ZNF254: variants seen among roughly 807,000 people sequenced by gnomAD.
ZNF254 encodes the protein CTD-2017D11.1.
In ZNF254, 10 loss-of-function variants were observed where a neutral mutation model predicts 12.4. The observed-to-expected ratio is 0.80, with a 90% CI of 0.50 to 1.36. The LOEUF (loss-of-function observed/expected upper bound fraction) is 1.36. Among genes scored for constraint, ZNF254 ranks in the 40% most tolerant of loss-of-function variants. The probability of loss-of-function intolerance (pLI) is 0.00; values close to 1 mark genes in which losing one functional copy is unlikely to be tolerated. For missense variants in ZNF254, 996 were observed against 763.9 expected (o/e 1.30, Z -3.58); for synonymous variants, 305 against 253.4 (o/e 1.20, Z -1.93).
chr19:24,127,662 C>G lies in ZNF254; in HGVS notation c.1662C>G (p.Ala554=), dbSNP rs777802291. Residue 554 remains alanine, a synonymous_variant, in exon 4 of 4, where the codon GCC becomes GCG. Transcript: ENST00000357002. ...KPYKCEKCGK[A]FKQSSILTNH... is the part of the protein sequence containing the mutation. Reference sequence around the variant, plus strand: ...ACAAATGTGAAAAATGTGGCAAAGCCTTTAAGCAGTCTTCAATCCTTACTA... The same window carrying G: ...ACAAATGTGAAAAATGTGGCAAAGCGTTTAAGCAGTCTTCAATCCTTACTA... The G allele has an allele frequency of 1.7e-5, 28 of 1,611,388 alleles. No individual in the cohort carries two copies. In the South Asian group the frequency reaches 2.9e-4, roughly 16 times the overall value.
In ZNF254 at chr19:24,101,312, G is replaced by A. The variant is rs867502674; in HGVS notation, c.31-4628G>A. On this transcript the variant is annotated intron_variant, in intron 1 of 3. Coordinates refer to ENST00000357002, the MANE Select transcript of ZNF254 (RefSeq NM_203282.4). ...GCCTCTGCCTGGAATTTATAAAACA[G>A]GGTCCTACTTTAGATTGAGAATGTA... Among the ~76,000 whole-genome samples, 63 of 152,314 alleles carry A rather than the reference G, an allele frequency of 4.1e-4. 1 individual carries two copies. In the Middle Eastern group the frequency reaches 0.017, roughly 41 times the overall value.
intron 2 of ZNF254, chr19:24,065,866 C>T (rs1409472398): frequency 6.6e-6 from 1 of 152,302 alleles, no homozygotes; most frequent in African/African-American, 2.4e-5. Flanking sequence ...ATGGATGTAA[C>T]TTTTTTTCTG....
At chr19:24,115,023 C>G (rs529992613) in intron 3 of ZNF254, among the ~76,000 whole-genome samples, 858 of 152,090 alleles carry the variant, frequency 5.6e-3, no homozygotes, top group African/African-American at 0.019. Context: ...AGTCAGGAAA[C>G]AACAGGTGCT....
chr19:24,127,347 T>C lies in ZNF254; in HGVS notation c.1347T>C (p.Leu449=). 1 of 1,612,604 alleles carries C rather than the reference T, an allele frequency of 6.2e-7. No individual in the cohort carries two copies. The highest frequency in any genetic ancestry group is 8.5e-7 in the Non-Finnish European group (1 of 1,179,480). The change falls in exon 4 of 4, where the codon CTT becomes CTC. Residue 449 remains leucine, a synonymous_variant. Transcript: ENST00000357002. ...AAGCATTTATCTGGTCCTCAACCCTTACTAAACATAAGAGAATTCATACTA... is the reference window on the plus strand; with the variant it reads ...AAGCATTTATCTGGTCCTCAACCCTCACTAAACATAAGAGAATTCATACTA... ...CGKAFIWSST[L]TKHKRIHTRE...
In ZNF254 at chr19:24,129,766, T is replaced by C. The variant is rs1289891408; in HGVS notation, c.*1786T>C. 2.0e-5 allele frequency: 3 copies of C among 152,034 alleles called. No homozygotes were observed. The highest frequency in any genetic ancestry group is 4.4e-5 in the Non-Finnish European group (3 of 67,938). 9.4% of individuals were successfully genotyped at this position (152,034 alleles called of 1,614,324 possible). A position where few individuals can be genotyped will look rare whatever the true frequency, so the allele number is the denominator to read the frequency against. On this transcript the variant is annotated 3_prime_UTR_variant, in exon 4 of 4. Transcript: ENST00000357002. Reference sequence around the variant, plus strand: ...TACAATGTTATTGATTACAGGGTCATTTTTATGGTCATAATAAAAAATTTT... The same window carrying C: ...TACAATGTTATTGATTACAGGGTCACTTTTATGGTCATAATAAAAAATTTT...
At chr19:24,063,000 C>T (rs1023049076) in intron 2 of ZNF254, among the ~76,000 whole-genome samples, 20 of 150,362 alleles carry the variant, frequency 1.3e-4, no homozygotes, top group African/African-American at 4.6e-4. Context: ...GGGGTTTCAC[C>T]ATGTTGGTCA....
chr19:24,059,625 A>G, intron 2 of ZNF254, among the ~76,000 whole-genome samples: 1 of 28,128 alleles, frequency 3.6e-5, no homozygotes, highest in South Asian at 2.3e-3. Flanking sequence ...CCCTGCATAC[A>G]TTATGTATTT....
At chr19:24,101,441 T>TTTTC (rs1404200061) in intron 1 of ZNF254, among the ~76,000 whole-genome samples, 1 of 152,160 alleles carries the variant, frequency 6.6e-6, no homozygotes, top group East Asian at 1.9e-4. Context: ...ACATCTTGTG[T>TTTTC]TTTCACCTGC....
chr19:24,123,340 A>T (rs1339544397), intron 3 of ZNF254, among the ~76,000 whole-genome samples: 1 of 152,194 alleles, frequency 6.6e-6, no homozygotes, highest in Non-Finnish European at 1.5e-5. Flanking sequence ...TGGTTTATCA[A>T]GTAAAATGTA....
At chr19:24,115,428 A>G (rs899288809) in intron 3 of ZNF254, among the ~76,000 whole-genome samples, 1 of 149,582 alleles carries the variant, frequency 6.7e-6, no homozygotes, top group Non-Finnish European at 1.5e-5. Context: ...CGCAAGAACA[A>G]AAAACCAAAC....
upstream of ZNF254, chr19:24,087,077 G>T (rs1972067499): frequency 7.9e-6 from 4 of 503,602 alleles, no homozygotes; most frequent in Admixed American, 9.5e-5. Context: ...ATCACTCAGG[G>T]TCTGAGTAGG....
chr19:24,079,358 G>A (rs978205127), intron 2 of ZNF254: 2 of 152,068 alleles, frequency 1.3e-5, no homozygotes, highest in African/African-American at 4.8e-5. Flanking sequence ...AGAACCATTT[G>A]TCCCTCCTCC....
chr19:24,097,782 AAAAATAAAATAAAATAAAAT>A (rs141594384), intron 1 of ZNF254, among the ~76,000 whole-genome samples: 126 of 144,128 alleles, frequency 8.7e-4, no homozygotes, highest in African/African-American at 2.9e-3. Context: ...ACTCTATCTC[AAAAATAAAATAAAATAAAAT>A]AAAATAAAAT....
chr19:24,107,639 T>A (rs1386155170), intron 3 of ZNF254, among the ~76,000 whole-genome samples: 2 of 152,178 alleles, frequency 1.3e-5, no homozygotes, highest in East Asian at 3.9e-4. Context: ...ACATTTTACT[T>A]ATTGGTCTTC....
chr19:24,090,115 T>C (rs1281654535), intron 1 of ZNF254, among the ~76,000 whole-genome samples: 1 of 151,320 alleles, frequency 6.6e-6, no homozygotes, highest in African/African-American at 2.4e-5. Flanking sequence ...GGAGAATCAG[T>C]TGAACCTCAG....
At position 24,126,841 on chromosome 19, in the gene ZNF254, C is replaced by G; in HGVS notation, c.841C>G (p.Leu281Val). Residue 281 changes from leucine to valine, a missense_variant, in exon 4 of 4, where the codon CTT becomes GTT. Leu to Val is a conservative substitution (Grantham distance 32). Coordinates refer to ENST00000357002, the MANE Select transcript of ZNF254 (RefSeq NM_203282.4). ...TGAAGCTTTTAATCGATCCTCAAAT[C>G]TTACTACACATAAGATAATTCATAC... Reference protein sequence around the residue: ...CGEAFNRSSNLTTHKIIHTGE... With the variant: ...CGEAFNRSSNVTTHKIIHTGE... The G allele has an allele frequency of 1.2e-6, 2 of 1,613,246 alleles. No individual in the cohort carries two copies. The highest frequency in any genetic ancestry group is 1.1e-5 in the South Asian group (1 of 91,026).
intron 1 of ZNF254, among the ~76,000 whole-genome samples, chr19:24,100,973 A>G (rs1483583966): frequency 2.6e-5 from 4 of 151,972 alleles, no homozygotes; most frequent in Admixed American, 2.0e-4. Context: ...GATTACAGGC[A>G]TGGGCCACCA....
At chr19:24,100,046 G>T (rs1972914884) in intron 1 of ZNF254, among the ~76,000 whole-genome samples, 1 of 152,086 alleles carries the variant, frequency 6.6e-6, no homozygotes, top group South Asian at 2.1e-4. Context: ...AAATATGCAG[G>T]CAGAATTGTG....
At chr19:24,044,903 C>T (rs986921863) in intron 1 of ZNF254, among the ~76,000 whole-genome samples, 1 of 152,190 alleles carries the variant, frequency 6.6e-6, no homozygotes, top group Middle Eastern at 3.2e-3. Flanking sequence ...CTGAACCCTT[C>T]TCAGCAGAAT....
Sources: allele counts gnomAD v4.1 joint callset (sites outside exome capture counted in the v4.1 genomes callset), GRCh38; gene constraint gnomAD v4.1.1; transcripts MANE v1.5; gene names NCBI Gene and HGNC (gene_info 2026-07-23, HGNC 2026-07-21).